Variants in ATP1B1 observed in about 807,000 individuals in gnomAD.
ATP1B1 encodes the protein ATPase Na+/K+ transporting subunit beta 1.
Under a neutral mutation model 39.6 loss-of-function variants are expected in ATP1B1, and 3 were observed. The ratio of observed to expected loss-of-function variants is 0.08; its 90% CI spans 0.03 to 0.20. The LOEUF (loss-of-function observed/expected upper bound fraction) is 0.20, where lower values mean the gene tolerates loss of function less well. ATP1B1 is among the 10% of genes least tolerant of loss of function. ATP1B1 has a pLI of 1.00. For synonymous variants in ATP1B1, 139 were observed against 135.0 expected, an observed-to-expected ratio of 1.03 and a Z score of -0.20; for missense variants, 216 against 371.1, an observed-to-expected ratio of 0.58 and a Z score of 3.43.
chr1:169,123,579 C>G (rs1362290606), intron 2 of ATP1B1, among the ~76,000 whole-genome samples: 1 of 141,926 alleles, frequency 7.0e-6, no homozygotes, highest in East Asian at 2.0e-4. Context: ...AACTATATCT[C>G]TCTCTCTATA....
intron 2 of ATP1B1, among the ~76,000 whole-genome samples, chr1:169,111,819 A>G (rs1657736937): frequency 6.6e-6 from 1 of 152,038 alleles, no homozygotes; most frequent in Non-Finnish European, 1.5e-5. Flanking sequence ...CTCATTTTTC[A>G]TATTCTAGGG....
chr1:169,118,765 A>G (rs1657911716), intron 2 of ATP1B1, among the ~76,000 whole-genome samples: 1 of 152,122 alleles, frequency 6.6e-6, no homozygotes. Flanking sequence ...TGTATAGGAG[A>G]CACATGATTT....
chr1:169,109,818 G>A (rs1048395221), intron 1 of ATP1B1, among the ~76,000 whole-genome samples: 13 of 152,166 alleles, frequency 8.5e-5, no homozygotes, highest in African/African-American at 2.9e-4. Flanking sequence ...GGCTACGATA[G>A]CTGCCTTGCT....
At position 169,118,399 on chromosome 1, in the gene ATP1B1, G is replaced by T. The variant is rs549167685; in HGVS notation, c.227-6485G>T. ...GGGTGTGAATGTGACCCTGCCTGCA[G>T]GCAGGGAGATTTATTCCTTGCTAAT... On this transcript the variant is annotated intron_variant, in intron 2 of 5. Coordinates refer to ENST00000367815, the MANE Select transcript of ATP1B1 (RefSeq NM_001677.4). Among the ~76,000 whole-genome samples the T allele has an allele frequency of 7.2e-5, 11 of 152,318 alleles. No homozygotes were observed. The South Asian group carries it at 2.1e-3, about 29-fold the overall frequency.
chr1:169,126,255 A>G (rs1026687469), intron 3 of ATP1B1, among the ~76,000 whole-genome samples: 2 of 152,234 alleles, frequency 1.3e-5, no homozygotes, highest in African/African-American at 2.4e-5. Flanking sequence ...ATCAGGGTGA[A>G]TCACTTCAAG....
chr1:169,115,953 T>C (rs1025947832), intron 2 of ATP1B1, among the ~76,000 whole-genome samples: 6 of 152,364 alleles, frequency 3.9e-5, no homozygotes, highest in Admixed American at 6.5e-5. Flanking sequence ...GCAGTGCTGC[T>C]CTGCAGCATC....
At chr1:169,112,291 G>A (rs1232704976) in intron 2 of ATP1B1, among the ~76,000 whole-genome samples, 5 of 152,066 alleles carry the variant, frequency 3.3e-5, no homozygotes, top group East Asian at 1.9e-4. Flanking sequence ...CACACCAGTC[G>A]TGAAAGGCCC....
At chr1:169,117,252 G>A (rs1399872173) in intron 2 of ATP1B1, among the ~76,000 whole-genome samples, 2 of 152,170 alleles carry the variant, frequency 1.3e-5, no homozygotes, top group African/African-American at 4.8e-5. Flanking sequence ...CCCAGAATTT[G>A]TGGATGAGTT....
intron 2 of ATP1B1, among the ~76,000 whole-genome samples, chr1:169,119,822 A>G (rs1657936080): frequency 6.6e-6 from 1 of 152,138 alleles, no homozygotes; most frequent in Admixed American, 6.5e-5. Flanking sequence ...GTAAGTTGGG[A>G]ACTGTCTGTA....
intron 2 of ATP1B1, among the ~76,000 whole-genome samples, chr1:169,123,524 A>G (rs1419819581): frequency 6.6e-6 from 1 of 151,956 alleles, no homozygotes; most frequent in Non-Finnish European, 1.5e-5. Flanking sequence ...GCCAGATTTA[A>G]TAAATAAAAA....
intron 4 of ATP1B1, among the ~76,000 whole-genome samples, chr1:169,128,080 A>C (rs1420074254): frequency 6.6e-6 from 1 of 152,170 alleles, no homozygotes; most frequent in Non-Finnish European, 1.5e-5. Flanking sequence ...TATATTCTCC[A>C]TAAGAATGGA....
In ATP1B1 at chr1:169,116,105, A is replaced by G. The variant is rs142550495; in HGVS notation, c.226+4607A>G. On this transcript the variant is annotated intron_variant, in intron 2 of 5. Transcript: ENST00000367815. ...CGTGCACACACACGCATGCTCATGGATATACACACACACTCAGGCTACCAA... is the reference window on the plus strand; with the variant it reads ...CGTGCACACACACGCATGCTCATGGGTATACACACACACTCAGGCTACCAA... Among the ~76,000 whole-genome samples the G allele has an allele frequency of 3.2e-4, 49 of 152,362 alleles. 1 individual carries two copies. The East Asian group carries it at 9.3e-3, about 29-fold the overall frequency.
At position 169,127,231 on chromosome 1, in the gene ATP1B1, C is replaced by T. The variant is rs1352605373; in HGVS notation, c.390C>T (p.Pro130=). The T allele has an allele frequency of 6.3e-7, 1 of 1,576,406 alleles. No homozygotes were observed. The highest frequency in any genetic ancestry group is 8.6e-7 in the Non-Finnish European group (1 of 1,168,690). The part of the protein sequence containing the change: ...DMIFEDCGDV[P]SEPKERGDFN... Reference sequence around the variant, plus strand: ...TTGTGTTTTTATTTTTAGATGTGCCCAGTGAACCGAAAGAACGAGGAGACT... The same window carrying T: ...TTGTGTTTTTATTTTTAGATGTGCCTAGTGAACCGAAAGAACGAGGAGACT... Residue 130 remains proline (P), a synonymous_variant, in exon 4 of 6, where the codon CCC becomes CCT. Coordinates refer to ENST00000367815, the MANE Select transcript of ATP1B1 (RefSeq NM_001677.4).
At chr1:169,119,805 A>G (rs1657935318) in intron 2 of ATP1B1, among the ~76,000 whole-genome samples, 1 of 129,078 alleles carries the variant, frequency 7.7e-6, no homozygotes, top group Non-Finnish European at 1.6e-5. Flanking sequence ...ATCATAAGGC[A>G]AACATTGTAA....
At chr1:169,107,651 G>A (rs1255934598) in intron 1 of ATP1B1, among the ~76,000 whole-genome samples, 1 of 152,124 alleles carries the variant, frequency 6.6e-6, no homozygotes, top group Non-Finnish European at 1.5e-5. Flanking sequence ...GAATATAAAC[G>A]CAGAGCAGCT....
chr1:169,113,674 C>A (rs1657773460), intron 2 of ATP1B1, among the ~76,000 whole-genome samples: 1 of 152,188 alleles, frequency 6.6e-6, no homozygotes. Context: ...CCCTTCCCTT[C>A]CTTCCATCCC....
chr1:169,127,991 C>G (rs1452694686), intron 4 of ATP1B1, among the ~76,000 whole-genome samples: 1 of 152,084 alleles, frequency 6.6e-6, no homozygotes, highest in Non-Finnish European at 1.5e-5. Flanking sequence ...TTTTGTATTA[C>G]TGCAACTTAT....
At chr1:169,129,518 C>T (rs925997491) in intron 4 of ATP1B1, among the ~76,000 whole-genome samples, 4 of 152,142 alleles carry the variant, frequency 2.6e-5, no homozygotes, top group Non-Finnish European at 5.9e-5. Flanking sequence ...GGCAGTCTCC[C>T]CGACTGGAGA....
intron 4 of ATP1B1, among the ~76,000 whole-genome samples, chr1:169,129,009 C>G (rs1361672563): frequency 6.6e-6 from 1 of 152,204 alleles, no homozygotes; most frequent in African/African-American, 2.4e-5. Flanking sequence ...CCCAGCATCT[C>G]ACTATCCTCA....
Sources: allele counts gnomAD v4.1 joint callset (sites outside exome capture counted in the v4.1 genomes callset), GRCh38; gene constraint gnomAD v4.1.1; transcripts MANE v1.5; gene names NCBI Gene and HGNC (gene_info 2026-07-23, HGNC 2026-07-21).